The following ZNF423 variants were observed in gnomAD, a reference collection of about 807,000 sequenced individuals.
ZNF423 encodes the protein zinc finger protein 423, also known as Ebf-associated zinc finger protein.
A neutral mutation model predicts 95.8 loss-of-function variants in ZNF423; 12 were observed. The ratio of observed to expected loss-of-function variants is 0.13; its 90% confidence interval spans 0.08 to 0.20. The LOEUF (loss-of-function observed/expected upper bound fraction) is 0.20, where lower values mean the gene tolerates loss of function less well. Ranked by LOEUF, ZNF423 falls within the 10% of genes least tolerant of loss-of-function variation. The pLI, the probability that ZNF423 is intolerant of heterozygous loss-of-function variation, is 1.00. For missense variants in ZNF423, 1,316 were observed against 1,737.1 expected, an observed-to-expected ratio of 0.76 and a Z score of 4.31; for synonymous variants, 749 against 711.9, an observed-to-expected ratio of 1.05 and a Z score of -0.83.
At chr16:49,677,282 A>AAGG (rs1567283965) in intron 3 of ZNF423, among the ~76,000 whole-genome samples, 13 of 81,488 alleles carry the variant, frequency 1.6e-4, no homozygotes, top group Non-Finnish European at 2.3e-4. Flanking sequence ...AGAAGAGAAG[A>AAGG]GAAGAGAAGA....
chr16:49,556,979 C>T (rs150138179), intron 5 of ZNF423, among the ~76,000 whole-genome samples: 2 of 152,304 alleles, frequency 1.3e-5, no homozygotes, highest in East Asian at 3.9e-4. Context: ...ACTATGAGCC[C>T]AGATCAAGTG....
intron 5 of ZNF423, among the ~76,000 whole-genome samples, chr16:49,585,626 C>T (rs952323788): frequency 1.3e-5 from 2 of 152,238 alleles, no homozygotes; most frequent in African/African-American, 4.8e-5. Context: ...TTCTGCCTCT[C>T]GTTAGCAACA....
intron 3 of ZNF423, among the ~76,000 whole-genome samples, chr16:49,681,896 G>T (rs1007918683): frequency 2.0e-5 from 3 of 152,124 alleles, no homozygotes; most frequent in African/African-American, 7.2e-5. Context: ...CTCCCAAGTA[G>T]CTGGGACTAC....
At position 49,635,625 on chromosome 16, in the gene ZNF423, G is replaced by A. The variant is rs369707836; in HGVS notation, c.3516+35C>T. 1 of 1,514,464 alleles carries A rather than the reference G, an allele frequency of 6.6e-7. No individual in the cohort carries two copies. The highest frequency in any genetic ancestry group is 2.3e-5 in the Admixed American group (1 of 43,136). 93.8% of individuals were successfully genotyped at this position (1,514,464 alleles called of 1,614,324 possible). A position where few individuals can be genotyped will look rare whatever the true frequency, so the allele number is the denominator to read the frequency against. ...GGGGACCAGAGGAGCCCCAAGGAGA[G>A]GAGCAGGGAGCAGGATGAGGTGGAC... is the stretch of plus-strand genomic sequence containing the variant. On this transcript the variant is annotated intron_variant, in intron 4 of 7. Transcript: ENST00000563137. The surrounding 1 kb of genome is among the most constrained non-coding windows in gnomAD (Gnocchi z 4.8).
intron 5 of ZNF423, among the ~76,000 whole-genome samples, chr16:49,599,381 G>A (rs1417053889): frequency 6.6e-6 from 1 of 152,186 alleles, no homozygotes; most frequent in Non-Finnish European, 1.5e-5. Flanking sequence ...CAGTCCCTCA[G>A]TGTTCCCTGG....
intron 3 of ZNF423, among the ~76,000 whole-genome samples, chr16:49,650,610 C>T (rs1044545268): frequency 1.2e-4 from 18 of 152,166 alleles, no homozygotes; most frequent in African/African-American, 3.1e-4. Context: ...CCCCATATTA[C>T]GAGTAAGTGG....
chr16:49,513,343 G>T (rs892606123), intron 7 of ZNF423, among the ~76,000 whole-genome samples: 1 of 152,204 alleles, frequency 6.6e-6, no homozygotes, highest in Non-Finnish European at 1.5e-5. Flanking sequence ...GCAGGAAGGA[G>T]GAAGATGCCG....
intron 3 of ZNF423, among the ~76,000 whole-genome samples, chr16:49,697,306 G>C (rs141102955): frequency 3.3e-5 from 5 of 152,268 alleles, no homozygotes; most frequent in African/African-American, 4.8e-5. Context: ...CCCAGAAAGA[G>C]AGAGAAGGCC....
At chr16:49,726,468 C>A (rs2033017011) in intron 3 of ZNF423, among the ~76,000 whole-genome samples, 1 of 152,158 alleles carries the variant, frequency 6.6e-6, no homozygotes, top group South Asian at 2.1e-4. Flanking sequence ...GTCCTCCTGG[C>A]TCCTAGAAGA....
At chr16:49,652,221 G>A (rs1973435130) in intron 3 of ZNF423, among the ~76,000 whole-genome samples, 1 of 150,652 alleles carries the variant, frequency 6.6e-6, no homozygotes, top group Admixed American at 6.7e-5. Flanking sequence ...CTTTCCCCTT[G>A]AAGCCTCTGA....
chr16:49,828,549 G>C (rs1225764886), intron 1 of ZNF423, among the ~76,000 whole-genome samples: 1 of 152,194 alleles, frequency 6.6e-6, no homozygotes, highest in Non-Finnish European at 1.5e-5. Flanking sequence ...AACAGCAGGG[G>C]CCTAGAAAAG....
intron 2 of ZNF423, 48 bp downstream of exon 2, chr16:49,789,439 A>G (rs1428318014): frequency 1.9e-6 from 3 of 1,569,672 alleles, no homozygotes; most frequent in Non-Finnish European, 2.6e-6. Flanking sequence ...TTCCTGGGCC[A>G]GCCCCCAGGA....
At chr16:49,562,740 T>G (rs1465430678) in intron 5 of ZNF423, among the ~76,000 whole-genome samples, 1 of 152,174 alleles carries the variant, frequency 6.6e-6, no homozygotes, top group African/African-American at 2.4e-5. Flanking sequence ...TTTGTCCAAA[T>G]AGCCAACGTT....
chr16:49,565,811 G>A (rs1382000278), intron 5 of ZNF423, among the ~76,000 whole-genome samples: 2 of 151,898 alleles, frequency 1.3e-5, no homozygotes, highest in Non-Finnish European at 2.9e-5. Flanking sequence ...GATGTCAATA[G>A]GGAAAGAGAG....
At chr16:49,664,367 T>C in intron 3 of ZNF423, 2 of 867,572 alleles carry the variant, frequency 2.3e-6, no homozygotes, top group Non-Finnish European at 1.4e-6. Context: ...GAAAAGGGGC[T>C]GGGAAAAGGC....
At chr16:49,786,617 G>A (rs2034319007) in intron 2 of ZNF423, among the ~76,000 whole-genome samples, 1 of 152,214 alleles carries the variant, frequency 6.6e-6, no homozygotes, top group African/African-American at 2.4e-5. Flanking sequence ...ATAATGCCCT[G>A]CCTTCAGGTC....
rs376211614 is a variant in ZNF423 at position 49,514,225 on chromosome 16, T to C, written c.3849+9399A>G. 6.9e-4 allele frequency among the ~76,000 whole-genome samples: 94 copies of C among 136,342 alleles called. No homozygotes were observed. The South Asian group carries it at 7.9e-3, about 11-fold the overall frequency. 89.4% of individuals were successfully genotyped at this position (136,342 alleles called of 152,430 possible). ...ACACACACACACATGCACACGCACATGCGTACACACACACGCACACGCACA... is the reference window on the plus strand; with the variant it reads ...ACACACACACACATGCACACGCACACGCGTACACACACACGCACACGCACA... On this transcript the variant is annotated intron_variant, in intron 7 of 7. Coordinates refer to ENST00000563137, the MANE Select transcript of ZNF423 (RefSeq NM_001379286.1).
intron 1 of ZNF423, among the ~76,000 whole-genome samples, chr16:49,792,758 G>A (rs1346749883): frequency 6.6e-6 from 1 of 152,104 alleles, no homozygotes; most frequent in Admixed American, 6.5e-5. Flanking sequence ...AACAGAATAT[G>A]GGCTAGAGGA....
At chr16:49,788,814 C>A (rs1787701457) in intron 2 of ZNF423, among the ~76,000 whole-genome samples, 1 of 152,252 alleles carries the variant, frequency 6.6e-6, no homozygotes, top group African/African-American at 2.4e-5. Flanking sequence ...AACAGGAGAG[C>A]CTGGGCCCTC....
Sources: gnomAD v4.1 joint callset for allele counts (sites outside exome capture counted in the v4.1 genomes callset) on GRCh38, gnomAD v4.1.1 for gene constraint, Gnocchi (gnomAD v3.1) non-coding constraint, MANE v1.5 for transcripts, NCBI Gene and HGNC (gene_info 2026-07-23, HGNC 2026-07-21) for gene names.